CNTNAP2: variants seen among roughly 807,000 people sequenced by gnomAD.
CNTNAP2 encodes contactin-associated protein-like 2.
A neutral mutation model predicts 155.2 loss-of-function variants in CNTNAP2; 98 were observed. The observed-to-expected ratio is 0.63, with a 90% CI of 0.54 to 0.75. The LOEUF is 0.75. Ranked by LOEUF, CNTNAP2 falls within the 30% of genes least tolerant of loss-of-function variation. The probability of loss-of-function intolerance (pLI) is 0.00; values close to 1 mark genes in which losing one functional copy is unlikely to be tolerated. For missense variants in CNTNAP2, 1,727 were observed against 1,688.1 expected (o/e 1.02, Z -0.40); for synonymous variants, 651 against 631.2 (o/e 1.03, Z -0.47).
chr7:147,873,385 G>A (rs758302478), intron 13 of CNTNAP2, among the ~76,000 whole-genome samples: 1 of 152,154 alleles, frequency 6.6e-6, no homozygotes. Context: ...ACATGGCTGG[G>A]GAGGCCTCAC....
intron 13 of CNTNAP2, among the ~76,000 whole-genome samples, chr7:147,892,205 G>A (rs946735590): frequency 5.3e-5 from 8 of 152,078 alleles, no homozygotes; most frequent in Non-Finnish European, 8.8e-5. Context: ...ACATAAAAGC[G>A]TTTTCTTTAA....
intron 21 of CNTNAP2, among the ~76,000 whole-genome samples, chr7:148,375,776 C>CATCGCCCTCCCCAAAAAG (rs1213511060): frequency 1.3e-4 from 11 of 84,726 alleles, no homozygotes; most frequent in East Asian, 7.3e-4. Context: ...AGGTGGATCA[C>CATCGCCCTCCCCAAAAAG]GAGGTCAGGA....
intron 1 of CNTNAP2, among the ~76,000 whole-genome samples, chr7:146,650,842 A>G (rs967637860): frequency 3.3e-5 from 5 of 152,138 alleles, no homozygotes; most frequent in Non-Finnish European, 2.9e-5. Context: ...ATAGGAGATA[A>G]GTTACTCTGA....
chr7:147,808,795 C>T (rs572038381), intron 13 of CNTNAP2, among the ~76,000 whole-genome samples: 3 of 152,290 alleles, frequency 2.0e-5, no homozygotes, highest in East Asian at 3.9e-4. Flanking sequence ...GGGGATTTCT[C>T]TTTCTAAAAT....
intron 14 of CNTNAP2, among the ~76,000 whole-genome samples, chr7:147,907,188 CT>C (rs1799971204): frequency 6.6e-6 from 1 of 151,992 alleles, no homozygotes; most frequent in Non-Finnish European, 1.5e-5. Flanking sequence ...TCCCGAGTAG[CT>C]GGGACTACAG....
chr7:146,856,212 A>G (rs1329981604), intron 3 of CNTNAP2, among the ~76,000 whole-genome samples: 2 of 152,094 alleles, frequency 1.3e-5, no homozygotes, highest in East Asian at 3.9e-4. Context: ...GCTTAAGTCT[A>G]TAGAGATGAT....
chr7:146,831,784 T>C (rs1803518101), intron 2 of CNTNAP2, among the ~76,000 whole-genome samples: 1 of 151,940 alleles, frequency 6.6e-6, no homozygotes, highest in Non-Finnish European at 1.5e-5. Flanking sequence ...TTGCTACTTC[T>C]AGAATTATTT....
intron 13 of CNTNAP2, among the ~76,000 whole-genome samples, chr7:147,791,906 C>T (rs1050627108): frequency 3.9e-5 from 6 of 152,218 alleles, no homozygotes; most frequent in African/African-American, 1.2e-4. Flanking sequence ...GTCTCCTCTT[C>T]CCCACTGCTC....
intron 1 of CNTNAP2, among the ~76,000 whole-genome samples, chr7:146,333,505 A>G (rs1273927295): frequency 6.6e-6 from 1 of 152,228 alleles, no homozygotes; most frequent in Non-Finnish European, 1.5e-5. Context: ...TTCTTAGACT[A>G]TAACACACAT....
intron 15 of CNTNAP2, 21 bp from the exon 16 acceptor site, chr7:148,118,097 T>G: frequency 6.2e-7 from 1 of 1,613,694 alleles, no homozygotes; most frequent in African/African-American, 1.3e-5. Context: ...TTAACCTGAT[T>G]TTTTTGTTTT....
At chr7:148,124,049 T>G (rs1168454253) in intron 16 of CNTNAP2, among the ~76,000 whole-genome samples, 2 of 152,158 alleles carry the variant, frequency 1.3e-5, no homozygotes, top group African/African-American at 4.8e-5. Context: ...AGCATTCATA[T>G]AGTTGAAGGA....
At chr7:146,464,761 G>A (rs2129125512) in intron 1 of CNTNAP2, among the ~76,000 whole-genome samples, 1 of 152,242 alleles carries the variant, frequency 6.6e-6, no homozygotes, top group South Asian at 2.1e-4. Flanking sequence ...CACTATGTTG[G>A]AAAGTCTTAT....
At chr7:147,249,604 TAAAAAA>T (rs755601249) in intron 8 of CNTNAP2, among the ~76,000 whole-genome samples, 8 of 70,006 alleles carry the variant, frequency 1.1e-4, no homozygotes, top group South Asian at 8.1e-4. Flanking sequence ...ACATTGGAGG[TAAAAAA>T]AAAAAAAAAA....
intron 13 of CNTNAP2, among the ~76,000 whole-genome samples, chr7:147,879,877 C>T (rs1799490197): frequency 6.6e-6 from 1 of 152,066 alleles, no homozygotes; most frequent in African/African-American, 2.4e-5. Context: ...GGATTTTTCC[C>T]CATTACTACA....
chr7:147,467,722 A>G (rs1798145111), intron 10 of CNTNAP2, among the ~76,000 whole-genome samples: 1 of 152,230 alleles, frequency 6.6e-6, no homozygotes, highest in Admixed American at 6.5e-5. Flanking sequence ...TACTCATACT[A>G]GTAATTTCTT....
In CNTNAP2 at chr7:146,662,249, T is replaced by C. The variant is rs1800103831; in HGVS notation, c.98-112022T>C. Among the ~76,000 whole-genome samples the C allele has an allele frequency of 2.0e-5, 3 of 152,228 alleles. No individual in the cohort carries two copies. The South Asian group carries it at 6.2e-4, about 32-fold the overall frequency. On this transcript the variant is annotated intron_variant, in intron 1 of 23. Transcript: ENST00000361727. ...ACCTCCCGGGTTCAAGCGATTCTCT[T>C]GCCTTCGCCACCCGAGTAGCTGGAA...
At chr7:147,511,642 A>G (rs1799024445) in intron 11 of CNTNAP2, among the ~76,000 whole-genome samples, 1 of 152,082 alleles carries the variant, frequency 6.6e-6, no homozygotes, top group Non-Finnish European at 1.5e-5. Context: ...GAGAGAAAGG[A>G]GACTAAAAAC....
intron 17 of CNTNAP2, among the ~76,000 whole-genome samples, chr7:148,150,867 C>G (rs1365197507): frequency 6.6e-6 from 1 of 152,022 alleles, no homozygotes; most frequent in Non-Finnish European, 1.5e-5. Context: ...CCTCAGTCCC[C>G]AAGTCGCTGG....
At chr7:147,359,096 G>C (rs751865734) in intron 9 of CNTNAP2, among the ~76,000 whole-genome samples, 20 of 152,084 alleles carry the variant, frequency 1.3e-4, no homozygotes, top group Admixed American at 2.6e-4. Context: ...TGAATATTTA[G>C]TTTACTTTTC....
Sources: allele counts gnomAD v4.1 joint callset (sites outside exome capture counted in the v4.1 genomes callset), GRCh38; gene constraint gnomAD v4.1.1; transcripts MANE v1.5; gene names NCBI Gene and HGNC (gene_info 2026-07-23, HGNC 2026-07-21).